Variants in CIT observed in about 807,000 individuals in gnomAD.
CIT encodes the protein citron rho-interacting serine/threonine kinase, also known as citron Rho-interacting kinase.
A neutral mutation model predicts 272.7 loss-of-function variants in CIT; 79 were observed. The ratio of observed to expected loss-of-function variants is 0.29; its 90% CI spans 0.24 to 0.35. The LOEUF (loss-of-function observed/expected upper bound fraction) is 0.35. Ranked by LOEUF, CIT falls within the 10% of genes least tolerant of loss-of-function variation. The probability of loss-of-function intolerance (pLI) is 1.00; values close to 1 mark genes in which losing one functional copy is unlikely to be tolerated. For missense variants in CIT, 1,909 were observed against 2,618.3 expected (o/e 0.73, Z 5.91); for synonymous variants, 948 against 995.6 (o/e 0.95, Z 0.90).
chr12:119,800,150 C>G (rs919718050), intron 10 of CIT, among the ~76,000 whole-genome samples: 3 of 151,988 alleles, frequency 2.0e-5, no homozygotes, highest in African/African-American at 7.3e-5. Flanking sequence ...CAAGTTCAAG[C>G]AAAGAAAGGC....
At chr12:119,833,190 G>A (rs1246746970) in intron 6 of CIT, among the ~76,000 whole-genome samples, 3 of 152,094 alleles carry the variant, frequency 2.0e-5, no homozygotes, top group African/African-American at 7.2e-5. Flanking sequence ...TTTCACATGA[G>A]GAAAACTAAG....
Position 119,712,621 on chromosome 12 carries a change from C to T in CIT, c.4654G>A (p.Ala1552Thr). The change falls in exon 36 of 48, where the codon GCT (alanine) becomes ACT (threonine). Residue 1552 changes from alanine (A) to threonine (T), a missense_variant. Ala to Thr is a moderately conservative substitution (Grantham distance 58). Around this residue, in one of 8 missense-constraint regions of CIT, gnomAD observed 780 missense variants for 1,067.2 expected, o/e 0.73. Coordinates refer to ENST00000392521, the MANE Select transcript of CIT (RefSeq NM_001206999.2). This position sits in a 1 kb window ranked among gnomAD's most constrained non-coding sequence, Gnocchi z 5.2. ...TTGGCTGTATTTGCGAGTTCGGAAG[C>T]ACCAACGGCACCATGAATAGATACA... ...GDVSIHGAVG[A>T]SELANTAKAD... 1 of 1,614,188 alleles carries T rather than the reference C, an allele frequency of 6.2e-7. No homozygotes were observed. The highest frequency in any genetic ancestry group is 1.1e-5 in the South Asian group (1 of 91,074).
rs1302368752 is a variant in CIT at position 119,825,220 on chromosome 12, G to GA, written c.901dup (p.Ser301PhefsTer14). ...GGCAGAGGTTCCCTCTGCGAAGGGG[G>GA]ATCTCCCATAAATCATCTCATAGGC... On this transcript the variant is annotated frameshift_variant, in exon 8 of 48. Transcript: ENST00000392521. LOFTEE classifies it high-confidence loss of function. The GA allele has an allele frequency of 6.2e-7, 1 of 1,613,916 alleles. No homozygotes were observed. Among genetic ancestry groups the GA allele is most frequent in the Admixed American group, 1.7e-5 (1 of 59,972 alleles).
rs1405556611 is a variant in CIT at position 119,720,598 on chromosome 12, AAAAC to A, written c.3733-17_3733-14del. 6 of 1,537,974 alleles carry A rather than the reference AAAAC, an allele frequency of 3.9e-6. No homozygotes were observed. The highest frequency in any genetic ancestry group is 1.7e-4 in the Middle Eastern group (1 of 5,916). On this transcript the variant is annotated splice_polypyrimidine_tract_variant and intron_variant, in intron 29 of 47. Transcript: ENST00000392521. ...GAGAATAGAGAACCTAAAATTCAAGAAAACAAACTAACCTCAAATCCAGACAGAA... is the reference window on the plus strand; with the variant it reads ...GAGAATAGAGAACCTAAAATTCAAGAAAACTAACCTCAAATCCAGACAGAA...
At chr12:119,711,820 T>C (rs1272455282) in intron 37 of CIT, among the ~76,000 whole-genome samples, 3 of 152,084 alleles carry the variant, frequency 2.0e-5, no homozygotes, top group Non-Finnish European at 4.4e-5. Flanking sequence ...TGGCTAACTT[T>C]CTTTCTTTCT....
At chr12:119,774,344 A>T (rs575350594) in intron 16 of CIT, among the ~76,000 whole-genome samples, 1 of 152,280 alleles carries the variant, frequency 6.6e-6, no homozygotes, top group Non-Finnish European at 1.5e-5. Context: ...GAACTCTATT[A>T]AACCAAGCCA....
At chr12:119,752,985 T>A (rs1462225744) in intron 22 of CIT, among the ~76,000 whole-genome samples, 1 of 152,126 alleles carries the variant, frequency 6.6e-6, no homozygotes, top group East Asian at 1.9e-4. Flanking sequence ...TAACTCTGGA[T>A]CTGTTAAATT....
chr12:119,791,319 G>C (rs1162893927), intron 10 of CIT, among the ~76,000 whole-genome samples: 2 of 152,160 alleles, frequency 1.3e-5, no homozygotes, highest in Non-Finnish European at 2.9e-5. Flanking sequence ...TGCATTCAGT[G>C]CTAAGAAGCT....
At chr12:119,873,176 T>C (rs2428692) in intron 2 of CIT, among the ~76,000 whole-genome samples, 134 of 152,140 alleles carry the variant, frequency 8.8e-4, no homozygotes, top group African/African-American at 3.1e-3. Context: ...CTCAGAAACA[T>C]GCCAGTTCTA....
intron 8 of CIT, among the ~76,000 whole-genome samples, chr12:119,824,106 C>CTATA (rs1439719407): frequency 3.1e-5 from 2 of 64,416 alleles, no homozygotes; most frequent in African/African-American, 1.5e-4. Flanking sequence ...AATAGTTTTA[C>CTATA]TGTATATATA....
At chr12:119,852,136 A>G (rs548064718) in intron 4 of CIT, among the ~76,000 whole-genome samples, 1 of 152,340 alleles carries the variant, frequency 6.6e-6, no homozygotes, top group African/African-American at 2.4e-5. Context: ...AGTGAGCATC[A>G]ACATAAATGT....
chr12:119,717,848 T>TC (rs1488081455), intron 32 of CIT, among the ~76,000 whole-genome samples: 2 of 127,302 alleles, frequency 1.6e-5, no homozygotes, highest in East Asian at 2.3e-4. Flanking sequence ...CTTTTTTTTT[T>TC]TTTTTTTTTT....
intron 4 of CIT, among the ~76,000 whole-genome samples, chr12:119,854,610 C>A (rs1566130519): frequency 6.6e-6 from 1 of 151,800 alleles, no homozygotes; most frequent in Non-Finnish European, 1.5e-5. Flanking sequence ...CCACTGAACT[C>A]CAGCGGACTC....
At chr12:119,729,179 G>A (rs1405332342) in intron 27 of CIT, among the ~76,000 whole-genome samples, 1 of 151,998 alleles carries the variant, frequency 6.6e-6, no homozygotes. Context: ...CAGTCAACTA[G>A]AAAAAAATAT....
At chr12:119,725,098 A>G (rs953309458) in intron 28 of CIT, among the ~76,000 whole-genome samples, 7 of 152,058 alleles carry the variant, frequency 4.6e-5, no homozygotes, top group Non-Finnish European at 1.0e-4. Context: ...AATTCTTTCA[A>G]TTCTGAGACT....
intron 23 of CIT, among the ~76,000 whole-genome samples, chr12:119,746,542 T>A (rs1045987078): frequency 6.6e-6 from 1 of 152,214 alleles, no homozygotes; most frequent in African/African-American, 2.4e-5. Flanking sequence ...CACTGGCTTA[T>A]CCACAGGGAC....
chr12:119,805,492 G>C (rs2137899440), intron 9 of CIT, among the ~76,000 whole-genome samples: 2 of 152,334 alleles, frequency 1.3e-5, no homozygotes, highest in South Asian at 4.1e-4. Flanking sequence ...TGCAGGTCTT[G>C]AAAGCTAGTG....
intron 9 of CIT, among the ~76,000 whole-genome samples, chr12:119,811,621 T>C (rs1008068238): frequency 6.6e-6 from 1 of 152,250 alleles, no homozygotes; most frequent in African/African-American, 2.4e-5. Context: ...GCTCTCGCCA[T>C]ACCCAAAAGC....
Position 119,823,061 on chromosome 12 carries a change from C to T in CIT, c.958-88G>A, listed in dbSNP as rs73418551. ...GTGAAGAAAGTATTTCTCATATATG[C>T]AAGTTTCTTTTTTTTTGTTTTTTAG... On this transcript the variant is annotated intron_variant, in intron 8 of 47. Transcript: ENST00000392521. 4,298 of 1,362,986 alleles carry T rather than the reference C, an allele frequency of 3.2e-3. 122 individuals are homozygous for T. The African/African-American group carries it at 0.057, about 18-fold the overall frequency. 84.4% of individuals were successfully genotyped at this position (1,362,986 alleles called of 1,614,324 possible).
Sources: gnomAD v4.1 joint callset for allele counts (sites outside exome capture counted in the v4.1 genomes callset) on GRCh38, gnomAD v4.1.1 for gene constraint, gnomAD v4.1.1 regional missense constraint, Gnocchi (gnomAD v3.1) non-coding constraint, MANE v1.5 for transcripts, NCBI Gene and HGNC (gene_info 2026-07-23, HGNC 2026-07-21) for gene names.